Variants in GNL3L observed in about 807,000 individuals in gnomAD.
GNL3L encodes the protein guanine nucleotide-binding protein-like 3-like protein.
In GNL3L, 4 loss-of-function variants were observed where a neutral mutation model predicts 42.9. The observed-to-expected ratio is 0.09, with a 90% CI of 0.05 to 0.21. The LOEUF is 0.21. Ranked by LOEUF, GNL3L falls within the 10% of genes least tolerant of loss-of-function variation. The probability of loss-of-function intolerance (pLI) is 1.00; values close to 1 mark genes in which losing one functional copy is unlikely to be tolerated. For synonymous variants in GNL3L, 159 were observed against 176.3 expected, an observed-to-expected ratio of 0.90 and a Z score of 0.78; for missense variants, 412 against 481.7, an observed-to-expected ratio of 0.86 and a Z score of 1.36.
At chrX:54,630,662 T>TTTCCTTCC in the GNL3L span, among the ~76,000 whole-genome samples, 14,314 of 53,128 alleles carry the variant, frequency 0.27, 2,383 homozygotes, top group Admixed American at 0.35. Context: ...TTTCTCCTTC[T>TTTCCTTCC]TTCCTTCCTT....
At chrX:54,558,172 G>A (rs62618082) in intron 14 of GNL3L, among the ~76,000 whole-genome samples, 12,138 of 110,964 alleles carry the variant, frequency 0.11, 707 homozygotes, top group Non-Finnish European at 0.17. Context: ...ATGAGCCACC[G>A]TGCCTGGCCT....
chrX:54,632,221 C>A, the GNL3L span, among the ~76,000 whole-genome samples: 1 of 111,473 alleles, frequency 9.0e-6, no homozygotes, highest in African/African-American at 3.3e-5. Context: ...TTCATCTTGA[C>A]TTTAGATAAC....
At chrX:54,585,994 T>G (rs1001637425) in intron 16 of GNL3L, among the ~76,000 whole-genome samples, 1 of 111,727 alleles carries the variant, frequency 9.0e-6, no homozygotes, top group Non-Finnish European at 1.9e-5. Flanking sequence ...GATGGCTGAT[T>G]AGAGGCATCT....
At chrX:54,624,943 G>A (rs141163402), downstream of GNL3L, among the ~76,000 whole-genome samples, 689 of 111,518 alleles carry the variant, frequency 6.2e-3, 6 homozygotes, top group African/African-American at 0.021. Context: ...TAAGGCTATA[G>A]TAAATACTTA....
the GNL3L span, among the ~76,000 whole-genome samples, chrX:54,631,471 G>T: frequency 9.0e-6 from 1 of 110,972 alleles, no homozygotes; most frequent in Non-Finnish European, 1.9e-5. Flanking sequence ...ATATATTTGG[G>T]ATTGTGATAT....
Position 54,551,586 on chromosome X carries a change from C to T in GNL3L, c.882C>T (p.Tyr294=). The part of the protein sequence containing the change: ...PGITKFMQEV[Y]LDKFIRLLDA... The stretch of plus-strand genomic sequence containing the variant: ...GCCCCAGATTCATGCAGGAGGTCTA[C>T]CTGGACAAGTTCATCCGGCTCTTGG... The change falls in exon 11 of 16, where the codon TAC becomes TAT. Residue 294 remains tyrosine (Y), a synonymous_variant. Coordinates refer to ENST00000360845, the MANE Select transcript of GNL3L (RefSeq NM_001184819.2). The T allele has an allele frequency of 2.5e-6, 3 of 1,210,697 alleles. No individual in the cohort carries two copies. Among genetic ancestry groups the T allele is most frequent in the South Asian group, 1.8e-5 (1 of 56,944 alleles).
chrX:54,605,216 A>T (rs141810237), intron 16 of GNL3L, among the ~76,000 whole-genome samples: 9 of 111,987 alleles, frequency 8.0e-5, no homozygotes. Context: ...ATAAATAAAG[A>T]CACAGTCAAA....
Position 54,556,992 on chromosome X carries a change from C to A in GNL3L, c.1447-1444C>A, listed in dbSNP as rs1001691881. 1.9e-4 allele frequency among the ~76,000 whole-genome samples: 21 copies of A among 110,166 alleles called. 1 individual carries two copies. Among genetic ancestry groups the A allele is most frequent in the Non-Finnish European group, 5.7e-5 (3 of 52,804 alleles). ...GGTCAGGAGTTCGAGGCCAGCCTGG[C>A]CAACATGGTGAAACCCCGTCTCTAC... On this transcript the variant is annotated intron_variant, in intron 14 of 15. Transcript: ENST00000360845.
rs769421529 is a variant in GNL3L at position 54,589,184 on chromosome X, T to C, written c.*45+28537T>C. ...TTACAAACAATCCAATTACACTCTT[T>C]AAAATGTACAATTAAGTTATTATTG... On this transcript the variant is annotated intron_variant, in intron 16 of 16. Coordinates refer to the GNL3L transcript ENST00000674498. Among the ~76,000 whole-genome samples the C allele has an allele frequency of 2.7e-5, 3 of 111,628 alleles. No individual in the cohort carries two copies. The Admixed American group carries it at 2.8e-4, about 11-fold the overall frequency.
At chrX:54,543,084 C>CA (rs1334887706) in intron 6 of GNL3L, 46 bp downstream of exon 6, 1 of 1,084,937 alleles carries the variant, frequency 9.2e-7, no homozygotes, top group African/African-American at 1.8e-5. Flanking sequence ...GGTTCCAGTC[C>CA]AGCCCCTTTT....
intron 2 of GNL3L, among the ~76,000 whole-genome samples, chrX:54,538,154 G>A (rs1040480163): frequency 1.8e-5 from 2 of 110,797 alleles, no homozygotes; most frequent in African/African-American, 6.6e-5. Flanking sequence ...TCACACCACT[G>A]CACTCCATCC....
At chrX:54,582,306 A>T (rs757264706) in intron 16 of GNL3L, among the ~76,000 whole-genome samples, 10 of 111,656 alleles carry the variant, frequency 9.0e-5, no homozygotes, top group Admixed American at 1.9e-4. Flanking sequence ...AAGCTGCTTG[A>T]TGCCCTCATC....
At position 54,541,355 on chromosome X, in the gene GNL3L, A is replaced by T; in HGVS notation, c.272A>T (p.Asp91Val). ...KRRTIESYCQ[D>V]VLRRQEEFEH... is the part of the protein sequence containing the mutation. ...AGGACCATTGAGAGCTACTGTCAGG[A>T]TGTCCTAAGACGCCAGGAGGAGTTT... The change falls in exon 5 of 16, where the codon GAT (aspartate) becomes GTT (valine). Residue 91 changes from aspartate to valine, a missense_variant. Coordinates refer to ENST00000360845, the MANE Select transcript of GNL3L (RefSeq NM_001184819.2). The T allele has an allele frequency of 8.3e-7, 1 of 1,203,118 alleles. No homozygotes were observed. Among genetic ancestry groups the T allele is most frequent in the Non-Finnish European group, 1.1e-6 (1 of 887,519 alleles).
chrX:54,540,303 G>T, intron 4 of GNL3L, 61 bp downstream of exon 4: 1 of 735,406 alleles, frequency 1.4e-6, no homozygotes. Context: ...GTCCGCAGAA[G>T]TGTTGAATGG....
chrX:54,639,650 ACAAGTAGTGTGTCGC>A, the GNL3L span, among the ~76,000 whole-genome samples: 1 of 111,537 alleles, frequency 9.0e-6, no homozygotes, highest in Non-Finnish European at 1.9e-5. Flanking sequence ...AGCGTCTCTT[ACAAGTAGTGTGTCGC>A]CACTTTAAAA....
At position 54,564,731 on chromosome X, in the gene GNL3L, CTTTTTTTTTT is replaced by C. The variant is rs781526946; in HGVS notation, c.*4140_*4149del. Among the ~76,000 whole-genome samples the C allele has an allele frequency of 2.8e-5, 2 of 71,898 alleles. No homozygotes were observed. Among genetic ancestry groups the C allele is most frequent in the African/African-American group, 1.2e-4 (2 of 17,247 alleles). 62.4% of individuals were successfully genotyped at this position (71,898 alleles called of 115,157 possible). Reference sequence around the variant, plus strand: ...TTTTTCTTTGTTCTTATATTTTTGTCTTTTTTTTTTTTTTTTTTTTGAAACAGAGTCTCAC... The same window carrying C: ...TTTTTCTTTGTTCTTATATTTTTGTCTTTTTTTTTTGAAACAGAGTCTCAC... On this transcript the variant is annotated 3_prime_UTR_variant, in exon 16 of 16. Coordinates refer to ENST00000360845, the MANE Select transcript of GNL3L (RefSeq NM_001184819.2).
chrX:54,554,823 C>G (rs1455432330), intron 14 of GNL3L, 131 bp downstream of exon 14: 2 of 539,562 alleles, frequency 3.7e-6, no homozygotes, highest in Non-Finnish European at 6.1e-6. Context: ...CTTCTGGATG[C>G]CTGGCCTAGT....
At chrX:54,596,278 C>T (rs368847827) in intron 16 of GNL3L, among the ~76,000 whole-genome samples, 1 of 111,968 alleles carries the variant, frequency 8.9e-6, no homozygotes, top group East Asian at 2.8e-4. Flanking sequence ...TTAAAAGGCA[C>T]CCAAGCACAG....
intron 16 of GNL3L, among the ~76,000 whole-genome samples, chrX:54,584,004 C>T (rs1206743191): frequency 5.4e-5 from 6 of 110,714 alleles, no homozygotes; most frequent in African/African-American, 2.0e-4. Flanking sequence ...GAACATACCT[C>T]AACATAATAA....
Sources: gnomAD v4.1 joint callset for allele counts (sites outside exome capture counted in the v4.1 genomes callset) on GRCh38, gnomAD v4.1.1 for gene constraint, MANE v1.5 for transcripts, NCBI Gene and HGNC (gene_info 2026-07-23, HGNC 2026-07-21) for gene names.